Variants in IL34 observed in about 807,000 individuals in gnomAD.
The protein encoded by IL34 is interleukin-34.
Under a neutral mutation model 25.3 loss-of-function variants are expected in IL34, and 17 were observed. The observed-to-expected ratio is 0.67, with a 90% CI of 0.46 to 1.01. The LOEUF (loss-of-function observed/expected upper bound fraction) is 1.01. Ranked by LOEUF, IL34 falls within the 50% of genes least tolerant of loss-of-function variation. The probability of loss-of-function intolerance (pLI) is 0.00; values close to 1 mark genes in which losing one functional copy is unlikely to be tolerated. For synonymous variants in IL34, 174 were observed against 140.9 expected, an observed-to-expected ratio of 1.23 and a Z score of -1.66; for missense variants, 368 against 312.9, an observed-to-expected ratio of 1.18 and a Z score of -1.33.
intron 1 of IL34, among the ~76,000 whole-genome samples, chr16:70,590,575 AG>A (rs2050741528): frequency 6.6e-6 from 1 of 152,144 alleles, no homozygotes; most frequent in South Asian, 2.1e-4. Context: ...TCCCAGGTCT[AG>A]CCCAATAGTG....
At chr16:70,634,305 A>G (rs12924106) in intron 1 of IL34, among the ~76,000 whole-genome samples, 85,976 of 152,024 alleles carry the variant, frequency 0.57, 27,629 homozygotes, top group African/African-American at 0.89. Flanking sequence ...GGGGGCAGGC[A>G]GCACTGTTCA....
chr16:70,631,039 C>T (rs1482649922), intron 1 of IL34, among the ~76,000 whole-genome samples: 1 of 152,114 alleles, frequency 6.6e-6, no homozygotes, highest in East Asian at 1.9e-4. Flanking sequence ...CATATGGTAG[C>T]CTAAACTACA....
chr16:70,641,244 G>T (rs1377689671), intron 1 of IL34, among the ~76,000 whole-genome samples: 1 of 151,298 alleles, frequency 6.6e-6, no homozygotes, highest in African/African-American at 2.5e-5. Context: ...CTGCACTCCA[G>T]CTTGGGCAAC....
At chr16:70,609,568 A>ATGGCACAGCGCC (rs1433332900) in intron 1 of IL34, among the ~76,000 whole-genome samples, 1 of 152,206 alleles carries the variant, frequency 6.6e-6, no homozygotes, top group African/African-American at 2.4e-5. Flanking sequence ...TACCAAGTGC[A>ATGGCACAGCGCC]TGGCACAGCG....
chr16:70,646,133 C>T (rs1172142968), upstream of IL34, among the ~76,000 whole-genome samples: 1 of 151,914 alleles, frequency 6.6e-6, no homozygotes, highest in Non-Finnish European at 1.5e-5. Context: ...TGGTCTCGAA[C>T]TCCTGGGCTC....
At chr16:70,624,095 G>A (rs938561985) in intron 1 of IL34, among the ~76,000 whole-genome samples, 2 of 152,106 alleles carry the variant, frequency 1.3e-5, no homozygotes, top group African/African-American at 4.8e-5. Flanking sequence ...AGAGCCTTGG[G>A]CCAGAGTTCC....
chr16:70,630,524 G>A (rs888393721), intron 1 of IL34, among the ~76,000 whole-genome samples: 4 of 151,632 alleles, frequency 2.6e-5, no homozygotes, highest in African/African-American at 4.8e-5. Context: ...GAACCACTGC[G>A]CCTGGCCCCT....
At chr16:70,641,439 A>G (rs962685632) in intron 1 of IL34, among the ~76,000 whole-genome samples, 8 of 152,184 alleles carry the variant, frequency 5.3e-5, no homozygotes, top group Admixed American at 1.3e-4. Context: ...TTACACCTCA[A>G]TAAGCCTGAC....
chr16:70,654,695 G>A, intron 2 of IL34, 24 bp downstream of exon 2: 4 of 1,583,558 alleles, frequency 2.5e-6, no homozygotes, highest in Non-Finnish European at 3.5e-6. Context: ...CACCAGCTGT[G>A]TCCCTGTCCC....
chr16:70,649,976 T>G (rs1320421849), intron 1 of IL34, among the ~76,000 whole-genome samples: 1 of 152,052 alleles, frequency 6.6e-6, no homozygotes, highest in Non-Finnish European at 1.5e-5. Context: ...TTTTTGTATT[T>G]TTAGTAGCGA....
chr16:70,655,309 C>T (rs538933051), intron 2 of IL34, among the ~76,000 whole-genome samples: 1 of 150,220 alleles, frequency 6.7e-6, no homozygotes, highest in South Asian at 2.1e-4. Context: ...CCTCAGCCTC[C>T]CAAAGTGCTG....
upstream of IL34, among the ~76,000 whole-genome samples, chr16:70,643,049 A>ATTATTTATTT (rs374472779): frequency 6.6e-6 from 1 of 152,042 alleles, no homozygotes; most frequent in Non-Finnish European, 1.5e-5. Flanking sequence ...TGTACACTTT[A>ATTATTTATTT]TTATTTATTT....
chr16:70,624,335 G>A (rs2051345283), intron 1 of IL34, among the ~76,000 whole-genome samples: 1 of 152,086 alleles, frequency 6.6e-6, no homozygotes, highest in Non-Finnish European at 1.5e-5. Flanking sequence ...TGTGGCTGGG[G>A]TTTGTCTCAC....
chr16:70,653,292 C>A (rs35283920), intron 1 of IL34, among the ~76,000 whole-genome samples: 1 of 149,836 alleles, frequency 6.7e-6, no homozygotes, highest in Non-Finnish European at 1.5e-5. Flanking sequence ...ATGGAAGGAC[C>A]GCTTGACACT....
chr16:70,648,577 G>GAAA (rs2052000908), intron 1 of IL34, among the ~76,000 whole-genome samples: 1 of 118,696 alleles, frequency 8.4e-6, no homozygotes, highest in Admixed American at 8.4e-5. Flanking sequence ...AAAAAAAAAG[G>GAAA]AGAAAAGAAA....
chr16:70,637,092 C>T (rs1281903524), intron 1 of IL34, among the ~76,000 whole-genome samples: 1 of 151,884 alleles, frequency 6.6e-6, no homozygotes, highest in Non-Finnish European at 1.5e-5. Context: ...GATCTCCTGA[C>T]CTCGTGATCT....
intron 1 of IL34, among the ~76,000 whole-genome samples, chr16:70,636,192 C>T (rs551698055): frequency 6.6e-6 from 1 of 152,062 alleles, no homozygotes; most frequent in African/African-American, 2.4e-5. Flanking sequence ...GTGTGTGCCA[C>T]CACGCCCAGC....
intron 1 of IL34, among the ~76,000 whole-genome samples, chr16:70,586,829 G>T (rs751443796): frequency 6.6e-6 from 1 of 152,348 alleles, no homozygotes; most frequent in Non-Finnish European, 1.5e-5. Context: ...CTTGCCCACG[G>T]TCACGCAGGC....
Position 70,656,691 on chromosome 16 carries a change from T to C in IL34, c.240+12T>C, listed in dbSNP as rs1252454449. ...ACGTCACCAGGCTGGTGAGAATCCC[T>C]TCCTGGGCTGGGGGGACCCTGCCTC... On this transcript the variant is annotated intron_variant, in intron 3 of 5. Coordinates refer to ENST00000288098, the MANE Select transcript of IL34 (RefSeq NM_001393494.1). The C allele has an allele frequency of 8.0e-7, 1 of 1,247,820 alleles. No individual in the cohort carries two copies. The highest frequency in any genetic ancestry group is 1.2e-5 in the South Asian group (1 of 83,810). The allele number at this position is 1,247,820 out of a possible 1,614,324, so 77.3% of individuals were successfully genotyped here.
Sources: allele counts gnomAD v4.1 joint callset (sites outside exome capture counted in the v4.1 genomes callset), GRCh38; gene constraint gnomAD v4.1.1; transcripts MANE v1.5; gene names NCBI Gene and HGNC (gene_info 2026-07-23, HGNC 2026-07-21).